Variants in SMG1 observed in about 807,000 individuals in gnomAD.
SMG1 encodes the protein serine/threonine-protein kinase SMG1.
In SMG1, 22 loss-of-function variants were observed where a neutral mutation model predicts 419.9. That is an observed-to-expected ratio of 0.05 (90% confidence interval 0.04 to 0.07). The LOEUF is 0.07. SMG1 is among the 10% of genes least tolerant of loss of function. The pLI, the probability that SMG1 is intolerant of heterozygous loss-of-function variation, is 1.00. For missense variants in SMG1, 3,185 were observed against 4,342.0 expected, an observed-to-expected ratio of 0.73 and a Z score of 7.49; for synonymous variants, 1,538 against 1,553.5, an observed-to-expected ratio of 0.99 and a Z score of 0.23.
Position 18,882,091 on chromosome 16 carries a change from A to T in SMG1, c.1293+74T>A, listed in dbSNP as rs1224688256. Reference sequence around the variant, plus strand: ...AATGAAGGATTAATAACAGTTCACCAGGTAAAGAGAAGCATTTACAGTGTA... The same window carrying T: ...AATGAAGGATTAATAACAGTTCACCTGGTAAAGAGAAGCATTTACAGTGTA... On this transcript the variant is annotated intron_variant, in intron 10 of 62. Coordinates refer to ENST00000446231, the MANE Select transcript of SMG1 (RefSeq NM_015092.5). 25 of 997,670 alleles carry T rather than the reference A, an allele frequency of 2.5e-5. No homozygotes were observed. In the African/African-American group the frequency reaches 2.6e-4, roughly 10 times the overall value. The allele number at this position is 997,670 out of a possible 1,614,324, so 61.8% of individuals were successfully genotyped here.
chr16:18,838,669 T>C lies in SMG1; in HGVS notation c.6966A>G (p.Ala2322=), dbSNP rs900568046. The part of the protein sequence containing the change: ...RVTQSYARST[A]VMSMVGYIIG... ...TTATGTATCCAACCATAGACATGAC[T>C]GCAGTAGATCTTGCATAAGACTAAA... The change falls in exon 43 of 63, where the codon GCA becomes GCG. Residue 2322 remains alanine (A), a synonymous_variant. Transcript: ENST00000446231. 6.2e-7 allele frequency: 1 copy of C among 1,606,264 alleles called. No homozygotes were observed. Among genetic ancestry groups the C allele is most frequent in the Non-Finnish European group, 8.5e-7 (1 of 1,176,534 alleles).
chr16:18,829,984 T>G lies in SMG1; in HGVS notation c.9075A>C (p.Arg3025Ser). The change falls in exon 53 of 63, where the codon AGA (arginine) becomes AGC (serine). Residue 3025 changes from arginine to serine, a missense_variant. By Grantham distance (110) the Arg-to-Ser change is moderately radical. Transcript: ENST00000446231. ...QVLEEIFFLKRLQTIKEFFRL... is the reference protein window; with the variant it reads ...QVLEEIFFLKSLQTIKEFFRL... ...TGAAGAACTCCTTAATAGTCTGTAGTCTTTTTAGAAAGAAAATCTCTTCTA... is the reference window on the plus strand; with the variant it reads ...TGAAGAACTCCTTAATAGTCTGTAGGCTTTTTAGAAAGAAAATCTCTTCTA... 1 of 1,588,860 alleles carries G rather than the reference T, an allele frequency of 6.3e-7. No homozygotes were observed. Among genetic ancestry groups the G allele is most frequent in the South Asian group, 1.2e-5 (1 of 86,812 alleles).
At chr16:18,923,208 A>G (rs4541059) in intron 1 of SMG1, among the ~76,000 whole-genome samples, 1 of 151,940 alleles carries the variant, frequency 6.6e-6, no homozygotes, top group Admixed American at 6.6e-5. Context: ...TCTTGCCATA[A>G]GACATTCACG....
chr16:18,896,108 G>A lies in SMG1; in HGVS notation c.356C>T (p.Thr119Ile), dbSNP rs1421346004. The change falls in exon 3 of 63, where the codon ACC becomes ATC. Residue 119 changes from threonine to isoleucine, a missense_variant. Around this residue, in one of 27 missense-constraint regions of SMG1, gnomAD observed 42 missense variants for 100.1 expected, o/e 0.42. Coordinates refer to ENST00000446231, the MANE Select transcript of SMG1 (RefSeq NM_015092.5). ...AGCACGACTGCCATGCTGAACACTG[G>A]TGAACTCAGGGCTGGTCACATTGTT... Reference protein sequence around the residue: ...RVNNVTSPEFTSVQHGSRALA... With the variant: ...RVNNVTSPEFISVQHGSRALA... 5 of 1,593,738 alleles carry A rather than the reference G, an allele frequency of 3.1e-6. No individual in the cohort carries two copies. The South Asian group carries it at 4.4e-5, about 14-fold the overall frequency.
intron 13 of SMG1, among the ~76,000 whole-genome samples, chr16:18,872,924 T>A (rs921696792): frequency 1.5e-4 from 23 of 151,978 alleles, no homozygotes; most frequent in African/African-American, 5.3e-4. Flanking sequence ...GAGGGTAAGG[T>A]GGGCAGATCA....
chr16:18,925,003 T>G (rs1263467532), intron 1 of SMG1: 1 of 152,184 alleles, frequency 6.6e-6, no homozygotes, highest in Non-Finnish European at 1.5e-5. Context: ...GAGAGTTCCA[T>G]GAATCAATTA....
chr16:18,833,801 A>C (rs916855902), intron 50 of SMG1, among the ~76,000 whole-genome samples: 1 of 152,128 alleles, frequency 6.6e-6, no homozygotes, highest in African/African-American at 2.4e-5. Context: ...TTTTTCTCAT[A>C]TTATACACTC....
chr16:18,840,901 A>G (rs912182272), intron 41 of SMG1, among the ~76,000 whole-genome samples: 1 of 152,154 alleles, frequency 6.6e-6, no homozygotes, highest in African/African-American at 2.4e-5. Context: ...TGCCTCTTAT[A>G]TAACTATTTT....
intron 1 of SMG1, among the ~76,000 whole-genome samples, chr16:18,923,856 C>A (rs1199180472): frequency 1.3e-5 from 2 of 152,122 alleles, no homozygotes; most frequent in African/African-American, 4.8e-5. Flanking sequence ...GAATAGGGGA[C>A]AGAATCACCT....
At chr16:18,841,016 T>C (rs2033884275) in intron 41 of SMG1, among the ~76,000 whole-genome samples, 1 of 152,010 alleles carries the variant, frequency 6.6e-6, no homozygotes, top group African/African-American at 2.4e-5. Flanking sequence ...GCTATGATCA[T>C]ACCACTGCAC....
In SMG1 at chr16:18,854,750, G is replaced by T; in HGVS notation, c.4389C>A (p.Val1463=). The T allele has an allele frequency of 2.5e-6, 4 of 1,613,862 alleles. No individual in the cohort carries two copies. Among genetic ancestry groups the T allele is most frequent in the Non-Finnish European group, 3.4e-6 (4 of 1,179,858 alleles). Residue 1463 remains valine (V), a synonymous_variant, in exon 30 of 63, where the codon GTC becomes GTA. Transcript: ENST00000446231. ...LGKTTTAQDL[V]QHFKKLSTQG... is the part of the protein sequence containing the mutation. ...GGGTTGATAGTTTTTTAAAATGTTGGACTAAATCCTGTGCAGTGGTGGTCT... is the reference window on the plus strand; with the variant it reads ...GGGTTGATAGTTTTTTAAAATGTTGTACTAAATCCTGTGCAGTGGTGGTCT...
chr16:18,919,623 CAA>C (rs549001300), intron 1 of SMG1, among the ~76,000 whole-genome samples: 26 of 116,800 alleles, frequency 2.2e-4, no homozygotes, highest in Non-Finnish European at 4.8e-4. Context: ...CACTCCGTCT[CAA>C]AAAAAAAAAT....
At chr16:18,863,496 G>T (rs1216757799) in intron 25 of SMG1, among the ~76,000 whole-genome samples, 154 bp downstream of exon 25, 1 of 152,112 alleles carries the variant, frequency 6.6e-6, no homozygotes, top group South Asian at 2.1e-4. Flanking sequence ...CACCTCTGAC[G>T]TCAGTTTCCT....
At chr16:18,829,787 G>GA (rs764546715) in intron 53 of SMG1, 32 bp from the exon 54 acceptor site, 8 of 1,556,440 alleles carry the variant, frequency 5.1e-6, no homozygotes, top group East Asian at 4.5e-5. Flanking sequence ...TGTATTTCAT[G>GA]AAAAAAATCA....
At position 18,839,880 on chromosome 16, in the gene SMG1, T is replaced by G. The variant is rs1186689808; in HGVS notation, c.6763A>C (p.Ser2255Arg). ...IVPRPSELYY[S>R]KIGPALKTVG... Reference sequence around the variant, plus strand: ...GTTTTCAAAGCAGGGCCAATTTTACTGTAATAAAGTTCACTAGGACGGGGT... The same window carrying G: ...GTTTTCAAAGCAGGGCCAATTTTACGGTAATAAAGTTCACTAGGACGGGGT... The change falls in exon 42 of 63, where the codon AGT becomes CGT. Residue 2255 changes from serine to arginine, a missense_variant. Coordinates refer to ENST00000446231, the MANE Select transcript of SMG1 (RefSeq NM_015092.5). 1 of 1,612,066 alleles carries G rather than the reference T, an allele frequency of 6.2e-7. No individual in the cohort carries two copies. The highest frequency in any genetic ancestry group is 1.3e-5 in the African/African-American group (1 of 74,912).
At chr16:18,810,614 G>A (rs2031296736) in intron 62 of SMG1, among the ~76,000 whole-genome samples, 1 of 152,180 alleles carries the variant, frequency 6.6e-6, no homozygotes, top group Non-Finnish European at 1.5e-5. Flanking sequence ...TACACAAAAT[G>A]CATGATGATC....
At chr16:18,843,990 A>T (rs1002249212) in intron 39 of SMG1, among the ~76,000 whole-genome samples, 3 of 148,148 alleles carry the variant, frequency 2.0e-5, no homozygotes, top group Non-Finnish European at 3.0e-5. Context: ...AAATCATTTT[A>T]AAAATTTTCT....
intron 24 of SMG1, 37 bp downstream of exon 24, chr16:18,863,965 A>G (rs765835472): frequency 2.6e-6 from 4 of 1,551,336 alleles, no homozygotes; most frequent in East Asian, 2.4e-5. Flanking sequence ...ATATATTACT[A>G]TAACTTTTGC....
chr16:18,835,837 T>G (rs1217395140), intron 48 of SMG1, 96 bp downstream of exon 48: 2 of 1,181,630 alleles, frequency 1.7e-6, no homozygotes, highest in Non-Finnish European at 2.4e-6. Context: ...AGACGGAGGT[T>G]GCAGTGAGCC....
Sources: allele counts gnomAD v4.1 joint callset (sites outside exome capture counted in the v4.1 genomes callset), GRCh38; gene constraint gnomAD v4.1.1; regional missense constraint gnomAD v4.1.1; transcripts MANE v1.5; gene names NCBI Gene and HGNC (gene_info 2026-07-23, HGNC 2026-07-21).